PCDHA4: variants seen among roughly 807,000 people sequenced by gnomAD.
PCDHA4 encodes the protein protocadherin alpha-4.
In PCDHA4, 49 loss-of-function variants were observed where a neutral mutation model predicts 61.4. The observed-to-expected ratio is 0.80, with a 90% CI of 0.63 to 1.01. The LOEUF is 1.01. Among genes scored for constraint, PCDHA4 ranks in the 50% least tolerant of loss-of-function variants. The pLI is 0.00. For missense variants in PCDHA4, 1,254 were observed against 1,235.8 expected (o/e 1.01, Z -0.22); for synonymous variants, 590 against 550.3 (o/e 1.07, Z -1.01).
chr5:140,872,003 A>G (rs1314439086), intron 1 of PCDHA4, among the ~76,000 whole-genome samples: 1 of 152,202 alleles, frequency 6.6e-6, no homozygotes, highest in South Asian at 2.1e-4. Context: ...GGCTATTTAC[A>G]GGTGACCTGT....
rs376929883 is a variant in PCDHA4 at position 140,967,867 on chromosome 5, C to T, written c.2386-11082C>T. Reference sequence around the variant, plus strand: ...ATGACAATGCCCCAGAGGTGGTGCTCACGGACCTGTATAGCCCAGTGCCTG... The same window carrying T: ...ATGACAATGCCCCAGAGGTGGTGCTTACGGACCTGTATAGCCCAGTGCCTG... On this transcript the variant is annotated intron_variant, in intron 1 of 3. Coordinates refer to ENST00000530339, the MANE Select transcript of PCDHA4 (RefSeq NM_018907.4). 48 of 1,614,012 alleles carry T rather than the reference C, an allele frequency of 3.0e-5. No individual in the cohort carries two copies. The African/African-American group carries it at 6.0e-4, about 20-fold the overall frequency.
At chr5:140,951,047 A>T (rs2094543631) in intron 1 of PCDHA4, among the ~76,000 whole-genome samples, 1 of 151,878 alleles carries the variant, frequency 6.6e-6, no homozygotes, top group Non-Finnish European at 1.5e-5. Flanking sequence ...TTATATTTTT[A>T]TTGCTAAAAT....
chr5:140,927,802 A>G (rs782489417), intron 1 of PCDHA4: 1 of 1,614,030 alleles, frequency 6.2e-7, no homozygotes, highest in African/African-American at 1.3e-5. Flanking sequence ...TCCGCCTGAA[A>G]CGCTCTTGGA....
intron 1 of PCDHA4, chr5:140,877,685 C>A (rs377753884): frequency 1.2e-6 from 2 of 1,613,628 alleles, no homozygotes; most frequent in Non-Finnish European, 1.7e-6. Context: ...GGCAAGCCCA[C>A]GCTGGTGTGC....
intron 3 of PCDHA4, among the ~76,000 whole-genome samples, chr5:140,987,362 A>G (rs1490856237): frequency 6.6e-6 from 1 of 152,208 alleles, no homozygotes; most frequent in Non-Finnish European, 1.5e-5. Flanking sequence ...AGGTTGTCTT[A>G]TATCATTACA....
At chr5:140,928,157 C>T (rs782528366) in intron 1 of PCDHA4, 9 of 1,614,200 alleles carry the variant, frequency 5.6e-6, no homozygotes, top group Non-Finnish European at 7.6e-6. Flanking sequence ...GATAGTGGCT[C>T]ACCCCCACTT....
chr5:140,882,485 G>C, intron 1 of PCDHA4: 3 of 1,614,106 alleles, frequency 1.9e-6, no homozygotes, highest in Non-Finnish European at 2.5e-6. Flanking sequence ...AAGACACGGG[G>C]ACCTTCTGGA....
At chr5:140,941,198 TCTTC>T (rs202127003) in intron 1 of PCDHA4, among the ~76,000 whole-genome samples, 9,614 of 119,776 alleles carry the variant, frequency 0.08, 511 homozygotes, top group Non-Finnish European at 0.089. Context: ...TTTTTTTCTT[TCTTC>T]CTTTCTTTCT....
At chr5:140,869,718 T>A (rs1228223839) in intron 1 of PCDHA4, 19 of 1,613,290 alleles carry the variant, frequency 1.2e-5, no homozygotes, top group Non-Finnish European at 1.2e-5. Flanking sequence ...GAGAGAAAAC[T>A]CCGGAACTTA....
Position 140,894,245 on chromosome 5 carries a change from C to T in PCDHA4, c.2385+84673C>T, listed in dbSNP as rs1273703512. ...AGATGTTGAATGACAATGTAATTTT[C>T]TTTTCTTTACAAGTGGTAGCTTATT... On this transcript the variant is annotated intron_variant, in intron 1 of 3. Coordinates refer to ENST00000530339, the MANE Select transcript of PCDHA4 (RefSeq NM_018907.4). 4.0e-5 allele frequency among the ~76,000 whole-genome samples: 6 copies of T among 151,858 alleles called. No homozygotes were observed. In the East Asian group the frequency reaches 1.2e-3, roughly 29 times the overall value.
chr5:140,971,557 T>A (rs1483701815), intron 1 of PCDHA4, among the ~76,000 whole-genome samples: 5 of 152,150 alleles, frequency 3.3e-5, no homozygotes, highest in Non-Finnish European at 7.4e-5. Context: ...CCTGTTAAAT[T>A]CCCATGTTGG....
In PCDHA4 at chr5:140,888,611, G is replaced by C. The variant is rs1554183538; in HGVS notation, c.2385+79039G>C. Reference sequence around the variant, plus strand: ...CACATTCAGAGCAGCTTTTAGTGTAGCACTAATTCGGCCTTCTATTACAGC... The same window carrying C: ...CACATTCAGAGCAGCTTTTAGTGTACCACTAATTCGGCCTTCTATTACAGC... On this transcript the variant is annotated intron_variant, in intron 1 of 3. Transcript: ENST00000530339. Among the ~76,000 whole-genome samples the C allele has an allele frequency of 2.0e-5, 3 of 152,144 alleles. No homozygotes were observed. In the East Asian group the frequency reaches 5.8e-4, roughly 29 times the overall value.
intron 1 of PCDHA4, among the ~76,000 whole-genome samples, chr5:140,919,974 TAG>T (rs2153555647): frequency 7.5e-6 from 1 of 134,116 alleles, no homozygotes; most frequent in African/African-American, 2.6e-5. Context: ...AAATAAGAGA[TAG>T]AAGATGGAAA....
intron 1 of PCDHA4, among the ~76,000 whole-genome samples, chr5:140,917,805 T>C (rs2153545461): frequency 6.6e-6 from 1 of 152,328 alleles, no homozygotes; most frequent in African/African-American, 2.4e-5. Flanking sequence ...AGCCTTGCAG[T>C]ATAGTTGAAG....
chr5:140,927,876 G>A lies in PCDHA4; in HGVS notation c.2386-51073G>A, dbSNP rs782412797. ...TAGCTAGCACCGCTAAACTGCTGGT[G>A]GAGGTGACTGACGTGAACGATCATG... On this transcript the variant is annotated intron_variant, in intron 1 of 3. Transcript: ENST00000530339. The A allele has an allele frequency of 1.9e-6, 3 of 1,614,202 alleles. No individual in the cohort carries two copies. The South Asian group carries it at 3.3e-5, about 18-fold the overall frequency.
rs1229745044 is a variant in PCDHA4 at position 140,809,380 on chromosome 5, G to A, written c.2193G>A (p.Ala731=). The A allele has an allele frequency of 6.2e-7, 1 of 1,614,040 alleles. No individual in the cohort carries two copies. Among genetic ancestry groups the A allele is most frequent in the Non-Finnish European group, 8.5e-7 (1 of 1,179,946 alleles). The stretch of plus-strand genomic sequence containing the variant: ...GCTCTGCGCTGCCCACCGAGGGCGC[G>A]TGCGCTCCGGGCAAGCCCACGCTGG... The part of the protein sequence containing the change: ...LRCSALPTEG[A]CAPGKPTLVC... Residue 731 remains alanine (A), a synonymous_variant, in exon 1 of 4, where the codon GCG becomes GCA. Transcript: ENST00000530339.
intron 1 of PCDHA4, among the ~76,000 whole-genome samples, chr5:140,837,930 T>G (rs1775322369): frequency 6.6e-6 from 1 of 151,780 alleles, no homozygotes. Flanking sequence ...CCTCCTACCT[T>G]GGCCTCCCAA....
intron 1 of PCDHA4, among the ~76,000 whole-genome samples, chr5:140,964,965 G>GA (rs1296818132): frequency 6.6e-6 from 1 of 152,204 alleles, no homozygotes; most frequent in Non-Finnish European, 1.5e-5. Context: ...TTGGTGGAAC[G>GA]AAGGGATGTG....
intron 1 of PCDHA4, among the ~76,000 whole-genome samples, chr5:140,950,272 C>G (rs928839890): frequency 2.0e-5 from 3 of 151,950 alleles, no homozygotes; most frequent in Non-Finnish European, 4.4e-5. Flanking sequence ...TCCATAATGT[C>G]TTTTTGCTTC....
Sources: gnomAD v4.1 joint callset for allele counts (sites outside exome capture counted in the v4.1 genomes callset) on GRCh38, gnomAD v4.1.1 for gene constraint, MANE v1.5 for transcripts, NCBI Gene and HGNC (gene_info 2026-07-23, HGNC 2026-07-21) for gene names.